The following C9 variants were observed in gnomAD, a reference collection of about 807,000 sequenced individuals.
C9 encodes the protein complement C9.
In C9, 63 loss-of-function variants were observed where a neutral mutation model predicts 65.4. The ratio of observed to expected loss-of-function variants is 0.96; its 90% confidence interval spans 0.79 to 1.19. The LOEUF (loss-of-function observed/expected upper bound fraction) is 1.19, where lower values mean the gene tolerates loss of function less well. Among genes scored for constraint, C9 ranks in the 50% most tolerant of loss-of-function variants. C9 has a pLI of 0.00. For missense variants in C9, 744 were observed against 670.1 expected, an observed-to-expected ratio of 1.11 and a Z score of -1.22; for synonymous variants, 229 against 227.9, an observed-to-expected ratio of 1.00 and a Z score of -0.04.
intron 1 of C9, among the ~76,000 whole-genome samples, chr5:39,355,804 C>T (rs1056201596): frequency 6.6e-6 from 1 of 152,176 alleles, no homozygotes; most frequent in Non-Finnish European, 1.5e-5. Flanking sequence ...GGTCCCACTC[C>T]TTGGCTTGTA....
chr5:39,347,106 T>C (rs1261581046), intron 1 of C9, among the ~76,000 whole-genome samples: 1 of 152,158 alleles, frequency 6.6e-6, no homozygotes, highest in African/African-American at 2.4e-5. Context: ...CTTTGAAAAC[T>C]GGCAAAAGAC....
chr5:39,294,032 C>G (rs1033814202), intron 9 of C9, among the ~76,000 whole-genome samples: 2 of 151,458 alleles, frequency 1.3e-5, no homozygotes, highest in Non-Finnish European at 3.0e-5. Flanking sequence ...CAGAACATAC[C>G]AAAACTGACG....
intron 6 of C9, among the ~76,000 whole-genome samples, chr5:39,313,628 C>T (rs1753525073): frequency 6.6e-6 from 1 of 152,190 alleles, no homozygotes; most frequent in Admixed American, 6.5e-5. Context: ...ATAGACCACA[C>T]TCTAAGTAGC....
chr5:39,339,930 A>T (rs1334985738), intron 4 of C9, among the ~76,000 whole-genome samples: 1 of 151,998 alleles, frequency 6.6e-6, no homozygotes, highest in Non-Finnish European at 1.5e-5. Context: ...AATTGCTGAG[A>T]TTACAGGCGT....
In C9 at chr5:39,359,673, C is replaced by G. The variant is rs1054147896; in HGVS notation, c.77+4715G>C. 3.9e-5 allele frequency among the ~76,000 whole-genome samples: 6 copies of G among 152,234 alleles called. No individual in the cohort carries two copies. In the South Asian group the frequency reaches 6.2e-4, roughly 16 times the overall value. On this transcript the variant is annotated intron_variant, in intron 1 of 10. Coordinates refer to ENST00000263408, the MANE Select transcript of C9 (RefSeq NM_001737.5). ...TATTGGAGCAAAGTGCTCGATTAGG[C>G]TAGAGCAGAGGAAGCTGGTATGCAA...
chr5:39,335,964 T>C (rs1468771552), intron 4 of C9, among the ~76,000 whole-genome samples: 1 of 152,226 alleles, frequency 6.6e-6, no homozygotes, highest in Non-Finnish European at 1.5e-5. Flanking sequence ...AAAGGAATTT[T>C]GATAAATTAT....
At chr5:39,332,886 A>C (rs184201809) in intron 4 of C9, among the ~76,000 whole-genome samples, 35 of 152,346 alleles carry the variant, frequency 2.3e-4, no homozygotes, top group African/African-American at 7.2e-4. Context: ...TCTTTATATA[A>C]ATAGCACATT....
At chr5:39,335,266 T>C (rs1753940977) in intron 4 of C9, among the ~76,000 whole-genome samples, 1 of 152,212 alleles carries the variant, frequency 6.6e-6, no homozygotes, top group South Asian at 2.1e-4. Context: ...ATCTATGTGT[T>C]GTACAGTGTT....
chr5:39,296,579 G>T (rs1331420343), intron 9 of C9, among the ~76,000 whole-genome samples: 1 of 151,458 alleles, frequency 6.6e-6, no homozygotes, highest in Non-Finnish European at 1.5e-5. Context: ...ACATGATCCA[G>T]CAATTCCAAT....
intron 8 of C9, 98 bp from the exon 9 acceptor site, chr5:39,306,890 G>A (rs1753391344): frequency 6.4e-6 from 5 of 776,030 alleles, no homozygotes; most frequent in Admixed American, 4.1e-5. Flanking sequence ...AGTCCTTTTA[G>A]TAAAATACAG....
intron 4 of C9, among the ~76,000 whole-genome samples, chr5:39,332,659 A>G (rs1353987176): frequency 6.6e-6 from 1 of 152,200 alleles, no homozygotes; most frequent in Non-Finnish European, 1.5e-5. Context: ...AGGTTTGAGG[A>G]TCAAATCTAT....
chr5:39,364,111 G>A (rs73078533), intron 1 of C9, among the ~76,000 whole-genome samples: 2,287 of 152,186 alleles, frequency 0.015, 39 homozygotes, highest in African/African-American at 0.049. Flanking sequence ...GTGAAAACAA[G>A]CTTTATTTTA....
intron 5 of C9, among the ~76,000 whole-genome samples, chr5:39,318,714 G>A (rs1422189444): frequency 6.6e-6 from 1 of 152,020 alleles, no homozygotes; most frequent in Non-Finnish European, 1.5e-5. Flanking sequence ...GTCATGGACT[G>A]GATTTAGTAT....
At chr5:39,342,279 G>T (rs963309670) in intron 1 of C9, 83 bp from the exon 2 acceptor site, 4 of 764,854 alleles carry the variant, frequency 5.2e-6, no homozygotes, top group East Asian at 2.5e-5. Context: ...AGTTCATTTT[G>T]TACTTTATCC....
At chr5:39,319,167 C>T (rs17384194) in intron 5 of C9, among the ~76,000 whole-genome samples, 3,925 of 152,326 alleles carry the variant, frequency 0.026, 78 homozygotes, top group Middle Eastern at 0.041. Context: ...AACATCACTT[C>T]TTTAGGAAAG....
At chr5:39,313,642 G>C (rs1297104761) in intron 6 of C9, among the ~76,000 whole-genome samples, 2 of 152,278 alleles carry the variant, frequency 1.3e-5, no homozygotes, top group East Asian at 3.9e-4. Flanking sequence ...AAGTAGCAAA[G>C]TTCTTGGGCA....
At position 39,349,183 on chromosome 5, in the gene C9, G is replaced by GAA. The variant is rs5867457; in HGVS notation, c.78-6989_78-6988dup. Among the ~76,000 whole-genome samples the GAA allele has an allele frequency of 3.0e-3, 431 of 143,910 alleles. 1 individual carries two copies. Among genetic ancestry groups the GAA allele is most frequent in the Non-Finnish European group, 4.4e-3 (286 of 65,692 alleles). 94.4% of individuals were successfully genotyped at this position (143,910 alleles called of 152,430 possible). ...ACTTAAAGTATAATAAACAAAAAAGGAAAAAAAAAAAACACAGAAAAGACT... is the reference window on the plus strand; with the variant it reads ...ACTTAAAGTATAATAAACAAAAAAGGAAAAAAAAAAAAAACACAGAAAAGACT... On this transcript the variant is annotated intron_variant, in intron 1 of 10. Coordinates refer to ENST00000263408, the MANE Select transcript of C9 (RefSeq NM_001737.5).
intron 9 of C9, among the ~76,000 whole-genome samples, chr5:39,292,994 G>C (rs997194139): frequency 2.6e-5 from 4 of 151,692 alleles, no homozygotes; most frequent in Non-Finnish European, 5.9e-5. Context: ...GAATAAACAA[G>C]ATTTAACTGA....
intron 1 of C9, among the ~76,000 whole-genome samples, chr5:39,357,367 C>A (rs1165135935): frequency 2.0e-5 from 3 of 152,196 alleles, no homozygotes; most frequent in Non-Finnish European, 4.4e-5. Context: ...GTGTCAAACA[C>A]TTAAGTTTTT....
Sources: gnomAD v4.1 joint callset for allele counts (sites outside exome capture counted in the v4.1 genomes callset) on GRCh38, gnomAD v4.1.1 for gene constraint, MANE v1.5 for transcripts, NCBI Gene and HGNC (gene_info 2026-07-23, HGNC 2026-07-21) for gene names.